The following VPS35L variants were observed in gnomAD, a reference collection of about 807,000 sequenced individuals.
The protein encoded by VPS35L is VPS35 endosomal protein-sorting factor-like.
Under a neutral mutation model 133.0 loss-of-function variants are expected in VPS35L, and 83 were observed. The ratio of observed to expected loss-of-function variants is 0.62; its 90% CI spans 0.52 to 0.75. The LOEUF is 0.75. Among genes scored for constraint, VPS35L ranks in the 30% least tolerant of loss-of-function variants. The probability of loss-of-function intolerance (pLI) is 0.00; values close to 1 mark genes in which losing one functional copy is unlikely to be tolerated. For synonymous variants in VPS35L, 423 were observed against 449.9 expected (o/e 0.94, Z 0.76); for missense variants, 1,083 against 1,206.8 (o/e 0.90, Z 1.52).
At chr16:19,672,212 C>T (rs1567475199) in intron 27 of VPS35L, among the ~76,000 whole-genome samples, 1 of 152,230 alleles carries the variant, frequency 6.6e-6, no homozygotes, top group African/African-American at 2.4e-5. Flanking sequence ...CTCACCCTCC[C>T]CAGTACCTGG....
intron 26 of VPS35L, among the ~76,000 whole-genome samples, chr16:19,668,077 C>A (rs1974754829): frequency 6.6e-6 from 1 of 152,152 alleles, no homozygotes; most frequent in Non-Finnish European, 1.5e-5. Flanking sequence ...GACACATACT[C>A]TTCTCATTAA....
chr16:19,697,178 C>T (rs1975943625), intron 29 of VPS35L, among the ~76,000 whole-genome samples: 1 of 152,234 alleles, frequency 6.6e-6, no homozygotes. Flanking sequence ...AACCTGCTCC[C>T]TGATGATTGG....
chr16:19,575,561 T>TAA (rs376319436), intron 5 of VPS35L, among the ~76,000 whole-genome samples: 2 of 126,570 alleles, frequency 1.6e-5, no homozygotes, highest in African/African-American at 5.9e-5. Context: ...AATGCCGTCT[T>TAA]AAAAAAAAAA....
intron 14 of VPS35L, among the ~76,000 whole-genome samples, chr16:19,624,941 T>C (rs113869362): frequency 7.3e-4 from 111 of 152,336 alleles, no homozygotes; most frequent in African/African-American, 2.6e-3. Flanking sequence ...CCTCTGGTCT[T>C]GGGCTTGACC....
chr16:19,641,019 C>T (rs1490085957), intron 21 of VPS35L, among the ~76,000 whole-genome samples: 4 of 152,066 alleles, frequency 2.6e-5, no homozygotes, highest in Non-Finnish European at 5.9e-5. Context: ...GGATTATAGG[C>T]GTGAGCCACC....
At chr16:19,566,119 A>G (rs958139429) in intron 2 of VPS35L, among the ~76,000 whole-genome samples, 3 of 152,160 alleles carry the variant, frequency 2.0e-5, no homozygotes, top group Admixed American at 6.6e-5. Flanking sequence ...GACCCCTTCA[A>G]TCCCCATGCT....
Position 19,652,309 on chromosome 16 carries a change from G to A in VPS35L, c.2221+219G>A, listed in dbSNP as rs7206641. On this transcript the variant is annotated intron_variant, in intron 26 of 30. Coordinates refer to ENST00000417362, the MANE Select transcript of VPS35L (RefSeq NM_020314.7). ...CTCCTGAGTAGCTGGGACTGCAGGC[G>A]CACACCACCACACACAGCTAATGTT... 6.3e-3 allele frequency: 3,162 copies of A among 501,632 alleles called. 90 individuals are homozygous for A. Among genetic ancestry groups the A allele is most frequent in the African/African-American group, 0.055 (2,825 of 51,218 alleles). 31.1% of individuals were successfully genotyped at this position (501,632 alleles called of 1,614,324 possible). A position where few individuals can be genotyped will look rare whatever the true frequency, so the allele number is the denominator to read the frequency against.
At chr16:19,651,833 G>A (rs1271902184) in intron 25 of VPS35L, 143 bp from the exon 26 acceptor site, 1 of 676,482 alleles carries the variant, frequency 1.5e-6, no homozygotes, top group Non-Finnish European at 2.6e-6. Flanking sequence ...GAGCAGAGTT[G>A]TACAAGAGGG....
intron 1 of VPS35L, among the ~76,000 whole-genome samples, chr16:19,557,565 T>G (rs1158783743): frequency 6.6e-6 from 1 of 151,960 alleles, no homozygotes; most frequent in Non-Finnish European, 1.5e-5. Context: ...GTATTTTTAG[T>G]AGAGACGGTG....
chr16:19,568,832 G>C (rs1220247143), intron 2 of VPS35L, among the ~76,000 whole-genome samples: 4 of 152,142 alleles, frequency 2.6e-5, no homozygotes, highest in Non-Finnish European at 5.9e-5. Flanking sequence ...CTTTTGTAGA[G>C]ATAGGACTTC....
intron 25 of VPS35L, 21 bp from the exon 26 acceptor site, chr16:19,651,955 A>G: frequency 6.5e-7 from 1 of 1,531,256 alleles, no homozygotes; most frequent in Non-Finnish European, 9.0e-7. Context: ...GCTAGCGTTA[A>G]TGTTTCTTCC....
Position 19,628,711 on chromosome 16 carries a change from C to T in VPS35L, c.1458C>T (p.Leu486=), listed in dbSNP as rs199682055. 1.6e-5 allele frequency: 25 copies of T among 1,596,844 alleles called. No homozygotes were observed. Among genetic ancestry groups the T allele is most frequent in the Non-Finnish European group, 2.1e-5 (24 of 1,169,264 alleles). The change falls in exon 17 of 31, where the codon CTC becomes CTT. Residue 486 remains leucine (L), a synonymous_variant. Coordinates refer to ENST00000417362, the MANE Select transcript of VPS35L (RefSeq NM_020314.7). ...DPPESDRLQI[L]NEAWKVITKL... is the part of the protein sequence containing the mutation. ...CTGAGAGTGACCGACTTCAGATTCTCAACGAAGCTTGGAAAGTCATCACTA... is the reference window on the plus strand; with the variant it reads ...CTGAGAGTGACCGACTTCAGATTCTTAACGAAGCTTGGAAAGTCATCACTA...
chr16:19,685,029 G>T (rs145938986), intron 28 of VPS35L, among the ~76,000 whole-genome samples: 2 of 150,474 alleles, frequency 1.3e-5, no homozygotes, highest in African/African-American at 4.9e-5. Flanking sequence ...TCCAGCCTGG[G>T]TGACAGAGCA....
chr16:19,682,667 G>A (rs1486410272), intron 28 of VPS35L, among the ~76,000 whole-genome samples: 2 of 152,138 alleles, frequency 1.3e-5, no homozygotes, highest in East Asian at 3.9e-4. Context: ...TTCCAGACCA[G>A]CCTGGCCAAC....
intron 7 of VPS35L, among the ~76,000 whole-genome samples, chr16:19,591,303 G>A (rs932501205): frequency 1.3e-5 from 2 of 152,208 alleles, no homozygotes; most frequent in African/African-American, 4.8e-5. Flanking sequence ...GATGAGGACT[G>A]TGATGAGAGA....
At chr16:19,621,176 T>G (rs1973067752) in intron 14 of VPS35L, among the ~76,000 whole-genome samples, 1 of 152,142 alleles carries the variant, frequency 6.6e-6, no homozygotes, top group Non-Finnish European at 1.5e-5. Context: ...CAACCCAGTA[T>G]TTATAAGAGT....
At chr16:19,679,879 C>A (rs1435403235) in intron 27 of VPS35L, among the ~76,000 whole-genome samples, 1 of 152,222 alleles carries the variant, frequency 6.6e-6, no homozygotes, top group African/African-American at 2.4e-5. Flanking sequence ...ATTGTCCTCA[C>A]CCACTTGAAA....
intron 7 of VPS35L, among the ~76,000 whole-genome samples, chr16:19,583,329 A>G (rs745533182): frequency 1.4e-4 from 22 of 152,282 alleles, no homozygotes; most frequent in Middle Eastern, 6.8e-3. Flanking sequence ...TATTTCATAT[A>G]CATGGGATTA....
At chr16:19,596,074 C>G (rs1477908259) in intron 8 of VPS35L, among the ~76,000 whole-genome samples, 1 of 152,012 alleles carries the variant, frequency 6.6e-6, no homozygotes, top group African/African-American at 2.4e-5. Context: ...GATATTAAGT[C>G]CCATAATCTG....
Sources: gnomAD v4.1 joint callset for allele counts (sites outside exome capture counted in the v4.1 genomes callset) on GRCh38, gnomAD v4.1.1 for gene constraint, MANE v1.5 for transcripts, NCBI Gene and HGNC (gene_info 2026-07-23, HGNC 2026-07-21) for gene names.